LSAMP: variants seen among roughly 807,000 people sequenced by gnomAD.
The protein encoded by LSAMP is limbic system associated membrane protein, also known as limbic system-associated membrane protein.
LSAMP carries 7 observed loss-of-function variants against 38.6 expected under a neutral mutation model. The observed-to-expected ratio is 0.18, with a 90% CI of 0.10 to 0.34. The LOEUF (loss-of-function observed/expected upper bound fraction) is 0.34, where lower values mean the gene tolerates loss of function less well. Ranked by LOEUF, LSAMP falls within the 10% of genes least tolerant of loss-of-function variation. The pLI is 1.00. For synonymous variants in LSAMP, 154 were observed against 166.8 expected, an observed-to-expected ratio of 0.92 and a Z score of 0.59; for missense variants, 313 against 420.0, an observed-to-expected ratio of 0.75 and a Z score of 2.23.
At chr3:116,227,660 C>T (rs1014789456) in intron 1 of LSAMP, among the ~76,000 whole-genome samples, 4 of 120,238 alleles carry the variant, frequency 3.3e-5, no homozygotes, top group Non-Finnish European at 5.8e-5. Context: ...CATCTTGCTC[C>T]GTAGTTCCTT....
At chr3:115,852,159 A>G (rs534092726) in intron 4 of LSAMP, among the ~76,000 whole-genome samples, 8 of 152,218 alleles carry the variant, frequency 5.3e-5, no homozygotes, top group Non-Finnish European at 1.2e-4. Context: ...TGTTTTTTCT[A>G]AAGTAGTATG....
intron 1 of LSAMP, among the ~76,000 whole-genome samples, chr3:116,410,951 T>C (rs2048967085): frequency 1.3e-5 from 2 of 152,240 alleles, no homozygotes; most frequent in South Asian, 4.1e-4. Context: ...CTGGCTATAA[T>C]CTTATTGCTG....
At chr3:116,130,009 C>T (rs572281095) in intron 1 of LSAMP, among the ~76,000 whole-genome samples, 1 of 152,298 alleles carries the variant, frequency 6.6e-6, no homozygotes, top group African/African-American at 2.4e-5. Flanking sequence ...TCTTTTATTG[C>T]AGAATCCAAA....
intron 3 of LSAMP, among the ~76,000 whole-genome samples, chr3:115,859,046 T>C (rs1053971119): frequency 1.3e-5 from 2 of 152,216 alleles, no homozygotes; most frequent in African/African-American, 4.8e-5. Flanking sequence ...ACAAGAAATC[T>C]AGAAAAGATG....
intron 1 of LSAMP, among the ~76,000 whole-genome samples, chr3:116,343,427 C>A (rs2048023457): frequency 6.6e-6 from 1 of 152,072 alleles, no homozygotes; most frequent in African/African-American, 2.4e-5. Flanking sequence ...TCACCAGGGT[C>A]CACTTGTTAT....
intron 1 of LSAMP, among the ~76,000 whole-genome samples, chr3:116,396,789 C>G (rs1256736604): frequency 1.3e-5 from 2 of 152,184 alleles, no homozygotes; most frequent in Non-Finnish European, 2.9e-5. Context: ...CAACCTTTTC[C>G]TCTCAAAATC....
At chr3:116,262,678 A>G (rs944091427) in intron 1 of LSAMP, among the ~76,000 whole-genome samples, 1 of 152,224 alleles carries the variant, frequency 6.6e-6, no homozygotes, top group Non-Finnish European at 1.5e-5. Context: ...ATCATTGCAC[A>G]GAAAAGAATG....
intron 6 of LSAMP, among the ~76,000 whole-genome samples, chr3:115,834,101 GGTTGA>G (rs1382836501): frequency 1.3e-5 from 2 of 151,810 alleles, no homozygotes; most frequent in African/African-American, 4.8e-5. Flanking sequence ...GTTATAATCC[GGTTGA>G]GTTGATTAAC....
intron 1 of LSAMP, among the ~76,000 whole-genome samples, chr3:116,432,541 A>G (rs1408127397): frequency 6.6e-6 from 1 of 151,796 alleles, no homozygotes; most frequent in East Asian, 1.9e-4. Flanking sequence ...AGTTTTCTAT[A>G]TTATGATATT....
At chr3:115,938,765 CA>C (rs1221974185) in intron 3 of LSAMP, among the ~76,000 whole-genome samples, 1 of 152,132 alleles carries the variant, frequency 6.6e-6, no homozygotes, top group Non-Finnish European at 1.5e-5. Flanking sequence ...TCAACAGTTG[CA>C]GTCATGTTGT....
intron 6 of LSAMP, among the ~76,000 whole-genome samples, chr3:115,830,334 A>G (rs1934568762): frequency 6.6e-6 from 1 of 152,262 alleles, no homozygotes. Context: ...TAAGCATTGC[A>G]ATACATAAAA....
At position 116,084,471 on chromosome 3, in the gene LSAMP, A is replaced by AAC. The variant is rs560098790; in HGVS notation, c.388+1852_388+1853insGT. Among the ~76,000 whole-genome samples the AAC allele has an allele frequency of 3.1e-3, 449 of 145,768 alleles. 2 individuals are homozygous for AAC. The highest frequency in any genetic ancestry group is 6.2e-3 in the Admixed American group (91 of 14,604). On this transcript the variant is annotated intron_variant, in intron 2 of 6. Coordinates refer to ENST00000490035, the MANE Select transcript of LSAMP (RefSeq NM_002338.5). ...AAATCATGGCAAAAAAAAAAAAAAAACCAAAAAAAACCAAAAAACTCCATT... is the reference window on the plus strand; with the variant it reads ...AAATCATGGCAAAAAAAAAAAAAAAAACCCAAAAAAAACCAAAAAACTCCATT...
chr3:116,055,021 G>A (rs1276971149), intron 2 of LSAMP, among the ~76,000 whole-genome samples: 3 of 152,160 alleles, frequency 2.0e-5, no homozygotes, highest in Non-Finnish European at 2.9e-5. Flanking sequence ...GAGTATAGGT[G>A]ACATAAGAAA....
rs1004610450 is a variant in LSAMP, at chr3:115,808,749, C to G, written c.*1568G>C. ...TGCAGGCAACCAAATAAAACATTAA[C>G]CTAGAACACTGGGAAAAACATCTGC... On this transcript the variant is annotated 3_prime_UTR_variant, in exon 7 of 7. Transcript: ENST00000490035. 7 of 152,196 alleles carry G rather than the reference C, an allele frequency of 4.6e-5. No individual in the cohort carries two copies. The highest frequency in any genetic ancestry group is 9.7e-5 in the African/African-American group (4 of 41,434). The allele number at this position is 152,196 out of a possible 1,614,324, so 9.4% of individuals were successfully genotyped here.
At chr3:116,135,708 C>T (rs141928143) in intron 1 of LSAMP, among the ~76,000 whole-genome samples, 14 of 152,258 alleles carry the variant, frequency 9.2e-5, no homozygotes, top group African/African-American at 3.4e-4. Flanking sequence ...CAACCAGAAG[C>T]CTAAACTTTC....
intron 1 of LSAMP, among the ~76,000 whole-genome samples, chr3:116,158,318 C>G (rs1024172148): frequency 6.6e-6 from 1 of 152,144 alleles, no homozygotes; most frequent in Non-Finnish European, 1.5e-5. Context: ...CCTCTCTCAT[C>G]ACTCCTACTC....
At chr3:115,843,326 T>C (rs570481616) in intron 4 of LSAMP, among the ~76,000 whole-genome samples, 1 of 152,338 alleles carries the variant, frequency 6.6e-6, no homozygotes, top group South Asian at 2.1e-4. Context: ...TGAAATCAGC[T>C]GGGAAACACA....
At chr3:116,164,031 TACTG>T (rs1709970054) in intron 1 of LSAMP, among the ~76,000 whole-genome samples, 1 of 152,172 alleles carries the variant, frequency 6.6e-6, no homozygotes, top group Non-Finnish European at 1.5e-5. Context: ...ATGTATGTAT[TACTG>T]ACTTTCGTTT....
intron 1 of LSAMP, among the ~76,000 whole-genome samples, chr3:116,283,358 G>T (rs2047153115): frequency 6.6e-6 from 1 of 152,166 alleles, no homozygotes; most frequent in Non-Finnish European, 1.5e-5. Context: ...TACAGTTGTT[G>T]AGTGGGAAGA....
Sources: allele counts gnomAD v4.1 joint callset (sites outside exome capture counted in the v4.1 genomes callset), GRCh38; gene constraint gnomAD v4.1.1; transcripts MANE v1.5; gene names NCBI Gene and HGNC (gene_info 2026-07-23, HGNC 2026-07-21).